PDE11A: variants seen among roughly 807,000 people sequenced by gnomAD.
The protein encoded by PDE11A is dual 3',5'-cyclic-AMP and -GMP phosphodiesterase 11A.
In PDE11A, 100 loss-of-function variants were observed where a neutral mutation model predicts 100.5. That is an observed-to-expected ratio of 1.00 (90% CI 0.85 to 1.18). The LOEUF is 1.18. PDE11A is among the 50% of genes most tolerant of loss of function. PDE11A has a pLI of 0.00. For synonymous variants in PDE11A, 381 were observed against 420.8 expected, an observed-to-expected ratio of 0.91 and a Z score of 1.16; for missense variants, 1,141 against 1,152.6, an observed-to-expected ratio of 0.99 and a Z score of 0.15.
intron 9 of PDE11A, among the ~76,000 whole-genome samples, chr2:177,816,198 C>T (rs569879465): frequency 1.3e-5 from 2 of 151,288 alleles, no homozygotes; most frequent in Non-Finnish European, 2.9e-5. Flanking sequence ...GCAAAAAAAA[C>T]AAAAACAAAA....
At chr2:177,898,980 T>C (rs1386583907) in intron 3 of PDE11A, among the ~76,000 whole-genome samples, 2 of 152,182 alleles carry the variant, frequency 1.3e-5, no homozygotes, top group Non-Finnish European at 2.9e-5. Flanking sequence ...ATTCCCAGCT[T>C]TTCACTTGAA....
chr2:177,707,428 T>A (rs1237445525), intron 13 of PDE11A, among the ~76,000 whole-genome samples: 2 of 152,034 alleles, frequency 1.3e-5, no homozygotes, highest in Admixed American at 6.6e-5. Context: ...CATGGCTGGG[T>A]CTCCTAGAAA....
intron 9 of PDE11A, among the ~76,000 whole-genome samples, chr2:177,789,530 T>C (rs990091575): frequency 4.0e-5 from 6 of 151,506 alleles, no homozygotes; most frequent in African/African-American, 1.5e-4. Flanking sequence ...TGTTGGAAGT[T>C]CTGGCCAGGA....
intron 17 of PDE11A, among the ~76,000 whole-genome samples, chr2:177,673,293 A>G (rs530357618): frequency 9.2e-5 from 14 of 152,180 alleles, no homozygotes; most frequent in Non-Finnish European, 1.3e-4. Context: ...AGGCAGTTTG[A>G]CCTTCAGATA....
chr2:177,714,716 T>C (rs2081410568), intron 12 of PDE11A, among the ~76,000 whole-genome samples: 1 of 152,246 alleles, frequency 6.6e-6, no homozygotes, highest in Non-Finnish European at 1.5e-5. Context: ...AATGATTGTT[T>C]CCTTAATAAT....
At chr2:177,820,051 T>C (rs1230663122) in intron 7 of PDE11A, among the ~76,000 whole-genome samples, 169 bp downstream of exon 7, 1 of 151,984 alleles carries the variant, frequency 6.6e-6, no homozygotes, top group Non-Finnish European at 1.5e-5. Context: ...TTGTGGATAA[T>C]GTTGATTCAT....
chr2:178,070,576 A>G (rs1200605030), intron 1 of PDE11A, among the ~76,000 whole-genome samples: 1 of 152,336 alleles, frequency 6.6e-6, no homozygotes, highest in East Asian at 1.9e-4. Context: ...AGAAAATAAC[A>G]TCAAGTCTCA....
chr2:177,930,858 T>A (rs945447314), intron 2 of PDE11A, among the ~76,000 whole-genome samples: 8 of 152,144 alleles, frequency 5.3e-5, no homozygotes, highest in African/African-American at 1.9e-4. Context: ...CTACTAAGGA[T>A]CCAAAGAGGA....
At chr2:177,652,280 C>T (rs1393849173) in intron 19 of PDE11A, among the ~76,000 whole-genome samples, 2 of 152,202 alleles carry the variant, frequency 1.3e-5, no homozygotes, top group African/African-American at 4.8e-5. Flanking sequence ...AGAATATCTA[C>T]CTCCTGGGGG....
At chr2:177,834,445 C>T (rs1409230403) in intron 6 of PDE11A, among the ~76,000 whole-genome samples, 1 of 152,172 alleles carries the variant, frequency 6.6e-6, no homozygotes, top group Non-Finnish European at 1.5e-5. Flanking sequence ...TGTATTGGCA[C>T]CTATCTTTTC....
At chr2:177,864,971 A>C (rs1457900404) in intron 5 of PDE11A, among the ~76,000 whole-genome samples, 1 of 152,176 alleles carries the variant, frequency 6.6e-6, no homozygotes, top group Non-Finnish European at 1.5e-5. Flanking sequence ...AATTGCAAAA[A>C]GCATGGTCAT....
chr2:177,648,607 T>C (rs2080258573), intron 19 of PDE11A, among the ~76,000 whole-genome samples: 2 of 152,128 alleles, frequency 1.3e-5, no homozygotes, highest in East Asian at 3.9e-4. Context: ...CTAGAAAATA[T>C]TGAAAAAGAA....
At chr2:177,693,951 A>T (rs1193381154) in intron 15 of PDE11A, among the ~76,000 whole-genome samples, 1 of 152,234 alleles carries the variant, frequency 6.6e-6, no homozygotes. Context: ...TCTCATTATA[A>T]CTCTAGGGAT....
chr2:177,642,332 A>C (rs2080156105), intron 19 of PDE11A, among the ~76,000 whole-genome samples: 1 of 152,238 alleles, frequency 6.6e-6, no homozygotes, highest in African/African-American at 2.4e-5. Flanking sequence ...GGTTACCTAC[A>C]TACAAGGCTG....
At chr2:177,822,265 A>G (rs533617452) in intron 6 of PDE11A, among the ~76,000 whole-genome samples, 132 of 152,050 alleles carry the variant, frequency 8.7e-4, no homozygotes, top group African/African-American at 2.9e-3. Context: ...ATTTTCATGT[A>G]TAATATGAGC....
At chr2:178,105,991 A>G (rs1020191740) in intron 1 of PDE11A, among the ~76,000 whole-genome samples, 4 of 152,224 alleles carry the variant, frequency 2.6e-5, no homozygotes, top group Non-Finnish European at 5.9e-5. Flanking sequence ...AAGAATTACT[A>G]CTACAGACAT....
At chr2:178,076,985 C>T (rs113224219), upstream of PDE11A, among the ~76,000 whole-genome samples, 12,323 of 23,912 alleles carry the variant, frequency 0.52, 632 homozygotes, top group Middle Eastern at 0.56. Flanking sequence ...CTGTCTCCAG[C>T]AGGATAACCT....
chr2:177,818,324 T>C (rs2083077806), intron 7 of PDE11A, among the ~76,000 whole-genome samples: 1 of 142,446 alleles, frequency 7.0e-6, no homozygotes, highest in African/African-American at 2.5e-5. Context: ...TATATATATA[T>C]ATATCATACT....
chr2:177,805,370 G>A (rs150856553), intron 9 of PDE11A, among the ~76,000 whole-genome samples: 18 of 151,704 alleles, frequency 1.2e-4, no homozygotes, highest in African/African-American at 2.7e-4. Flanking sequence ...GCTCTTTAAG[G>A]CAGAAATAAA....
Sources: allele counts gnomAD v4.1 joint callset (sites outside exome capture counted in the v4.1 genomes callset), GRCh38; gene constraint gnomAD v4.1.1; transcripts MANE v1.5; gene names NCBI Gene and HGNC (gene_info 2026-07-23, HGNC 2026-07-21).